The following KANK1 variants were observed in gnomAD, a reference collection of about 807,000 sequenced individuals.
KANK1 encodes the protein KN motif and ankyrin repeat domains 1.
Under a neutral mutation model 106.2 loss-of-function variants are expected in KANK1, and 109 were observed. That is an observed-to-expected ratio of 1.03 (90% confidence interval 0.88 to 1.20). KANK1 has a LOEUF of 1.20. Ranked by LOEUF, KANK1 falls within the 50% of genes most tolerant of loss-of-function variation. KANK1 has a pLI of 0.00. For synonymous variants in KANK1, 873 were observed against 652.2 expected (o/e 1.34, Z -5.16); for missense variants, 2,399 against 1,710.7 (o/e 1.40, Z -7.10).
At chr9:515,868 A>G (rs2059258104) in intron 1 of KANK1, among the ~76,000 whole-genome samples, 1 of 151,586 alleles carries the variant, frequency 6.6e-6, no homozygotes, top group South Asian at 2.1e-4. Flanking sequence ...TTTCAAGGAA[A>G]CCTCACGTGT....
Position 643,543 on chromosome 9 carries a change from A to ATTTT in KANK1, c.-83-33329_-83-33326dup, listed in dbSNP as rs774468238. Reference sequence around the variant, plus strand: ...CCAGAATTTGCTTTTTTTCTTTTTGATTTTTTTTTTTTTTTTTTTTTGGTA... The same window carrying ATTTT: ...CCAGAATTTGCTTTTTTTCTTTTTGATTTTTTTTTTTTTTTTTTTTTTTTTGGTA... On this transcript the variant is annotated intron_variant, in intron 1 of 11. Transcript: ENST00000382297. Among the ~76,000 whole-genome samples the ATTTT allele has an allele frequency of 8.2e-4, 84 of 102,410 alleles. 2 individuals are homozygous for ATTTT. Among genetic ancestry groups the ATTTT allele is most frequent in the African/African-American group, 2.5e-3 (63 of 24,928 alleles). The allele number at this position is 102,410 out of a possible 152,430, so 67.2% of individuals were successfully genotyped here.
intron 9 of KANK1, among the ~76,000 whole-genome samples, chr9:741,767 G>A (rs7864203): frequency 0.64 from 97,842 of 151,768 alleles, 32,215 homozygotes; most frequent in African/African-American, 0.78. Context: ...GATTACAGGC[G>A]TGAGCTACTG....
At chr9:598,870 G>A in intron 1 of KANK1, among the ~76,000 whole-genome samples, 1 of 150,044 alleles carries the variant, frequency 6.7e-6, no homozygotes, top group Admixed American at 6.6e-5. Context: ...GACCTCAGGT[G>A]ATCCGCCCTC....
At chr9:704,382 G>A (rs1823468045) in intron 2 of KANK1, among the ~76,000 whole-genome samples, 1 of 152,170 alleles carries the variant, frequency 6.6e-6, no homozygotes, top group African/African-American at 2.4e-5. Flanking sequence ...TTACACTAGT[G>A]TTCTAGTCAT....
intron 3 of KANK1, among the ~76,000 whole-genome samples, chr9:494,043 C>A (rs148025194): frequency 1.3e-5 from 2 of 151,730 alleles, no homozygotes; most frequent in Non-Finnish European, 2.9e-5. Context: ...CCGCCATGCC[C>A]CACTAATTTT....
At chr9:646,135 C>T (rs1273332288) in intron 1 of KANK1, among the ~76,000 whole-genome samples, 1 of 150,586 alleles carries the variant, frequency 6.6e-6, no homozygotes, top group Admixed American at 6.6e-5. Flanking sequence ...GACAGCCATA[C>T]AGATCTTCAG....
chr9:482,445 GCCCAGGGCATGCATGCCCT>G (rs1366969284), intron 3 of KANK1, among the ~76,000 whole-genome samples: 1 of 152,172 alleles, frequency 6.6e-6, no homozygotes, highest in Non-Finnish European at 1.5e-5. Flanking sequence ...TCTGTGCTGA[GCCCAGGGCATGCATGCCCT>G]CCCTTGCCAA....
At chr9:707,190 C>G (rs1316383470) in intron 2 of KANK1, 1 of 985,886 alleles carries the variant, frequency 1.0e-6, no homozygotes, top group Non-Finnish European at 1.2e-6. Context: ...TCCGGCTGAG[C>G]TGGAGCGAGC....
At chr9:673,545 CA>C (rs1421215074) in intron 1 of KANK1, 1 of 151,928 alleles carries the variant, frequency 6.6e-6, no homozygotes, top group Non-Finnish European at 1.5e-5. Flanking sequence ...GATATGCTTA[CA>C]GTTCCTAATT....
intron 2 of KANK1, among the ~76,000 whole-genome samples, chr9:679,346 T>C (rs1483346662): frequency 1.3e-5 from 2 of 152,156 alleles, no homozygotes; most frequent in Non-Finnish European, 2.9e-5. Context: ...ACACACATAG[T>C]AATATATACA....
Position 593,965 on chromosome 9 carries a change from G to A in KANK1, c.-83-82925G>A, listed in dbSNP as rs1825614808. On this transcript the variant is annotated intron_variant, in intron 1 of 11. Transcript: ENST00000382297. ...AGATAAATTTGGAGTAGGTGAGGGT[G>A]GAGAGCAAAGTGACTCCCTGGGCTG... Among the ~76,000 whole-genome samples, 3 of 151,870 alleles carry A rather than the reference G, an allele frequency of 2.0e-5. No individual in the cohort carries two copies. The South Asian group carries it at 6.2e-4, about 31-fold the overall frequency.
In KANK1 at chr9:712,347, C is replaced by A; in HGVS notation, c.1581C>A (p.Val527=). Residue 527 remains valine (V), a synonymous_variant, in exon 3 of 12, where the codon GTC becomes GTA. Coordinates refer to ENST00000382297, the MANE Select transcript of KANK1 (RefSeq NM_015158.5). The part of the protein sequence containing the change: ...EAVVQTRDQM[V]GSHMDLVDTC... ...TGGTGCAGACCAGAGACCAAATGGT[C>A]GGCAGTCACATGGACCTGGTGGACA... The A allele has an allele frequency of 6.2e-7, 1 of 1,614,146 alleles. No homozygotes were observed. Among genetic ancestry groups the A allele is most frequent in the African/African-American group, 1.3e-5 (1 of 75,034 alleles).
chr9:479,590 T>A (rs1453556152), intron 3 of KANK1, among the ~76,000 whole-genome samples: 2 of 152,254 alleles, frequency 1.3e-5, no homozygotes, highest in Non-Finnish European at 2.9e-5. Flanking sequence ...GCATCTTGAT[T>A]CAGATTGGTG....
In KANK1 at chr9:738,407, C is replaced by G. The variant is rs1207049954; in HGVS notation, c.3456C>G (p.Arg1152=). The G allele has an allele frequency of 1.9e-6, 3 of 1,614,136 alleles. No individual in the cohort carries two copies. In the South Asian group the frequency reaches 3.3e-5, roughly 18 times the overall value. ...AFEAISPDVL[R]YVINLADGNG... is the part of the protein sequence containing the mutation. ...AGGCCATTTCCCCAGATGTCCTCCG[C>G]TATGTCATCAACTTGGCAGACGGCA... Residue 1152 remains arginine (R), a synonymous_variant, in exon 8 of 12, where the codon CGC becomes CGG. Coordinates refer to ENST00000382297, the MANE Select transcript of KANK1 (RefSeq NM_015158.5).
At chr9:524,672 G>A (rs1416311946) in intron 1 of KANK1, among the ~76,000 whole-genome samples, 4 of 151,088 alleles carry the variant, frequency 2.6e-5, no homozygotes, top group Non-Finnish European at 2.9e-5. Flanking sequence ...TGTCCACTAC[G>A]ACACCCGGCT....
At chr9:736,537 G>A (rs1439249998) in intron 7 of KANK1, among the ~76,000 whole-genome samples, 3 of 151,984 alleles carry the variant, frequency 2.0e-5, no homozygotes, top group African/African-American at 7.2e-5. Context: ...GCAAAACCCT[G>A]TCTCTACAAA....
intron 1 of KANK1, among the ~76,000 whole-genome samples, chr9:635,270 C>T (rs1321027726): frequency 6.6e-6 from 1 of 152,130 alleles, no homozygotes; most frequent in African/African-American, 2.4e-5. Context: ...GTACCCAGCC[C>T]CCCAGGCCTA....
intron 10 of KANK1, 57 bp downstream of exon 10, chr9:742,462 C>T (rs536479506): frequency 2.8e-6 from 4 of 1,411,064 alleles, no homozygotes; most frequent in East Asian, 2.3e-5. Flanking sequence ...TGGACGGGAG[C>T]TCTGGGAGTG....
chr9:669,125 C>T (rs9408665), intron 1 of KANK1, among the ~76,000 whole-genome samples: 78,459 of 151,966 alleles, frequency 0.52, 20,738 homozygotes, highest in East Asian at 0.66. Context: ...CTTTTGTGGG[C>T]CTGAATTTAC....
Sources: allele counts gnomAD v4.1 joint callset (sites outside exome capture counted in the v4.1 genomes callset), GRCh38; gene constraint gnomAD v4.1.1; transcripts MANE v1.5; gene names NCBI Gene and HGNC (gene_info 2026-07-23, HGNC 2026-07-21).